Variants in GRIP1 observed in about 807,000 individuals in gnomAD.
GRIP1 encodes the protein glutamate receptor-interacting protein 1.
A neutral mutation model predicts 129.9 loss-of-function variants in GRIP1; 45 were observed. The observed-to-expected ratio is 0.35, with a 90% CI of 0.27 to 0.44. The LOEUF (loss-of-function observed/expected upper bound fraction) is 0.44. GRIP1 is among the 20% of genes least tolerant of loss of function. The probability of loss-of-function intolerance (pLI) is 1.00; values close to 1 mark genes in which losing one functional copy is unlikely to be tolerated. For synonymous variants in GRIP1, 530 were observed against 520.8 expected (o/e 1.02, Z -0.24); for missense variants, 1,196 against 1,396.8 (o/e 0.86, Z 2.29).
chr12:66,954,336 G>A (rs1325626080), intron 1 of GRIP1, among the ~76,000 whole-genome samples: 1 of 152,192 alleles, frequency 6.6e-6, no homozygotes, highest in Non-Finnish European at 1.5e-5. Context: ...GTACTAAATG[G>A]TATAGAAAAA....
intron 1 of GRIP1, among the ~76,000 whole-genome samples, chr12:66,656,560 T>C (rs2033170118): frequency 6.6e-6 from 1 of 152,176 alleles, no homozygotes; most frequent in Non-Finnish European, 1.5e-5. Context: ...TTGTTTTTCT[T>C]ATGGTACGGC....
intron 1 of GRIP1, among the ~76,000 whole-genome samples, chr12:66,885,662 A>G (rs574192924): frequency 3.8e-4 from 58 of 152,300 alleles, no homozygotes; most frequent in African/African-American, 1.4e-3. Context: ...GAGATAGCTC[A>G]GCAACAGCAA....
At chr12:66,378,125 TTAA>T (rs1231555063) in intron 20 of GRIP1, among the ~76,000 whole-genome samples, 1 of 151,526 alleles carries the variant, frequency 6.6e-6, no homozygotes, top group African/African-American at 2.4e-5. Context: ...AAAAAGTAAC[TTAA>T]TGTGAAACTA....
chr12:66,577,090 G>A (rs2063162799), intron 2 of GRIP1, among the ~76,000 whole-genome samples: 1 of 152,164 alleles, frequency 6.6e-6, no homozygotes, highest in Non-Finnish European at 1.5e-5. Context: ...AAGACTAGCA[G>A]GATATGGAAA....
At chr12:66,620,660 CTCTT>C (rs952272700) in intron 1 of GRIP1, among the ~76,000 whole-genome samples, 19 of 151,734 alleles carry the variant, frequency 1.3e-4, no homozygotes, top group African/African-American at 2.7e-4. Context: ...TGCATTCTTT[CTCTT>C]TCTTTTTCTT....
chr12:66,805,117 A>C (rs934244821), upstream of GRIP1, among the ~76,000 whole-genome samples: 10 of 152,206 alleles, frequency 6.6e-5, no homozygotes, highest in African/African-American at 1.2e-4. Context: ...CTCAACTTAG[A>C]CTGAACTCAA....
chr12:66,574,830 G>A (rs1384544696), intron 2 of GRIP1, among the ~76,000 whole-genome samples: 3 of 138,602 alleles, frequency 2.2e-5, no homozygotes, highest in South Asian at 2.3e-4. Context: ...TCGCCGCCCT[G>A]GCTGGAGTGC....
At chr12:66,450,303 CAAAAAAAAAAAAAAAA>C (rs143013040) in intron 11 of GRIP1, among the ~76,000 whole-genome samples, 6 of 26,818 alleles carry the variant, frequency 2.2e-4, no homozygotes, top group African/African-American at 9.3e-4. Flanking sequence ...GACTCCATCT[CAAAAAAAAAAAAAAAA>C]AAAAAAAAAA....
chr12:66,482,822 G>C (rs1487066369), intron 7 of GRIP1, among the ~76,000 whole-genome samples: 4 of 152,156 alleles, frequency 2.6e-5, no homozygotes, highest in Non-Finnish European at 4.4e-5. Context: ...AAATAATCAA[G>C]AGCCCATCCC....
chr12:66,442,582 G>A (rs2058499157), intron 13 of GRIP1, among the ~76,000 whole-genome samples: 2 of 151,908 alleles, frequency 1.3e-5, no homozygotes, highest in Admixed American at 6.6e-5. Flanking sequence ...CCCAGGCTGG[G>A]GTTCAGTGGT....
At chr12:66,798,913 C>T (rs2086707132) in intron 1 of GRIP1, among the ~76,000 whole-genome samples, 1 of 152,018 alleles carries the variant, frequency 6.6e-6, no homozygotes, top group African/African-American at 2.4e-5. Flanking sequence ...TATCAGGGAA[C>T]TAAGTAGTTA....
In GRIP1 at chr12:66,633,215, G is replaced by GTATA. The variant is rs111970469; in HGVS notation, c.56-36292_56-36289dup. On this transcript the variant is annotated intron_variant, in intron 1 of 24. Transcript: ENST00000359742. ...TGTATGTGTATATATATATGTGTGTGTATATATATATATATGAGTATTTTA... is the reference window on the plus strand; with the variant it reads ...TGTATGTGTATATATATATGTGTGTGTATATATATATATATATATGAGTATTTTA... Among the ~76,000 whole-genome samples, 194 of 143,680 alleles carry GTATA rather than the reference G, an allele frequency of 1.4e-3. 1 individual carries two copies. The highest frequency in any genetic ancestry group is 4.6e-3 in the African/African-American group (180 of 39,218). The allele number at this position is 143,680 out of a possible 152,430, so 94.3% of individuals were successfully genotyped here. A position where few individuals can be genotyped will look rare whatever the true frequency, so the allele number is the denominator to read the frequency against.
intron 23 of GRIP1, among the ~76,000 whole-genome samples, chr12:66,366,760 T>C (rs530625387): frequency 9.2e-5 from 14 of 152,212 alleles, no homozygotes; most frequent in South Asian, 2.1e-4. Flanking sequence ...CACAGTTCAC[T>C]GAAGCCTTGA....
intron 2 of GRIP1, among the ~76,000 whole-genome samples, chr12:66,560,521 A>T (rs1748513643): frequency 6.6e-6 from 1 of 152,126 alleles, no homozygotes. Context: ...AAAATATTTG[A>T]TTAGACATTT....
chr12:66,617,286 GAAAAAAAAAAA>G (rs63275262), intron 1 of GRIP1, among the ~76,000 whole-genome samples: 1 of 104,052 alleles, frequency 9.6e-6, no homozygotes, highest in Admixed American at 1.0e-4. Context: ...CAGCCAACAA[GAAAAAAAAAAA>G]AAAAAAAAAA....
chr12:66,873,239 T>A (rs2040326648), intron 1 of GRIP1, among the ~76,000 whole-genome samples: 1 of 152,042 alleles, frequency 6.6e-6, no homozygotes, highest in Non-Finnish European at 1.5e-5. Flanking sequence ...CTTCTATTTG[T>A]CAAGGCAGTC....
At chr12:66,723,304 CTTTTTTTTTTTT>C (rs57938064) in intron 1 of GRIP1, among the ~76,000 whole-genome samples, 4 of 58,406 alleles carry the variant, frequency 6.8e-5, no homozygotes, top group South Asian at 7.0e-4. Context: ...TTCTTTCTTT[CTTTTTTTTTTTT>C]TTTTTTTTTT....
At chr12:66,560,389 A>T (rs2062480902) in intron 2 of GRIP1, among the ~76,000 whole-genome samples, 2 of 152,178 alleles carry the variant, frequency 1.3e-5, no homozygotes, top group South Asian at 4.1e-4. Flanking sequence ...GACAACCCAC[A>T]GAATGGGAGA....
At chr12:66,664,885 C>T (rs912191933) in intron 1 of GRIP1, among the ~76,000 whole-genome samples, 1 of 151,928 alleles carries the variant, frequency 6.6e-6, no homozygotes, top group Non-Finnish European at 1.5e-5. Flanking sequence ...TAAAAGTTTT[C>T]TTCCTCCATT....
Sources: gnomAD v4.1 joint callset for allele counts (sites outside exome capture counted in the v4.1 genomes callset) on GRCh38, gnomAD v4.1.1 for gene constraint, MANE v1.5 for transcripts, NCBI Gene and HGNC (gene_info 2026-07-23, HGNC 2026-07-21) for gene names.